The following VAT1L variants were observed in gnomAD, a reference collection of about 807,000 sequenced individuals.
VAT1L encodes the protein vesicle amine transport 1 like.
VAT1L carries 34 observed loss-of-function variants against 44.1 expected under a neutral mutation model. The ratio of observed to expected loss-of-function variants is 0.77; its 90% confidence interval spans 0.59 to 1.03. The LOEUF (loss-of-function observed/expected upper bound fraction) is 1.03. VAT1L is among the 50% of genes least tolerant of loss of function. VAT1L has a pLI of 0.00. For synonymous variants in VAT1L, 253 were observed against 202.2 expected (o/e 1.25, Z -2.13); for missense variants, 615 against 538.8 (o/e 1.14, Z -1.40).
intron 7 of VAT1L, among the ~76,000 whole-genome samples, chr16:77,932,201 T>G (rs1273954411): frequency 6.6e-6 from 1 of 151,188 alleles, no homozygotes; most frequent in Non-Finnish European, 1.5e-5. Context: ...CCTCCTGGGT[T>G]CAGGCCATTC....
At chr16:77,908,534 G>C (rs1161887863) in intron 7 of VAT1L, among the ~76,000 whole-genome samples, 1 of 150,062 alleles carries the variant, frequency 6.7e-6, no homozygotes, top group African/African-American at 2.5e-5. Flanking sequence ...GGCCCTGTTG[G>C]AGTTCAGAAA....
chr16:77,802,482 G>A (rs1276058030), intron 1 of VAT1L, among the ~76,000 whole-genome samples: 1 of 152,080 alleles, frequency 6.6e-6, no homozygotes, highest in African/African-American at 2.4e-5. Flanking sequence ...AGGTGTGGTG[G>A]CAGGCGCCTG....
intron 1 of VAT1L, among the ~76,000 whole-genome samples, chr16:77,794,032 A>C (rs1165139917): frequency 2.0e-5 from 3 of 152,256 alleles, no homozygotes; most frequent in African/African-American, 7.2e-5. Flanking sequence ...CAGACTGCTA[A>C]GTGGAAGAGC....
At chr16:77,839,214 G>A (rs1278516066) in intron 3 of VAT1L, among the ~76,000 whole-genome samples, 2 of 152,016 alleles carry the variant, frequency 1.3e-5, no homozygotes, top group Non-Finnish European at 2.9e-5. Flanking sequence ...AGGGAATGAA[G>A]GGGGAAAGGA....
chr16:77,940,834 T>A (rs1375391690), intron 7 of VAT1L, among the ~76,000 whole-genome samples: 1 of 152,180 alleles, frequency 6.6e-6, no homozygotes, highest in Non-Finnish European at 1.5e-5. Flanking sequence ...GGACATGGAA[T>A]AGCCTTACAT....
intron 6 of VAT1L, among the ~76,000 whole-genome samples, chr16:77,882,588 G>C (rs949595461): frequency 6.6e-6 from 1 of 152,232 alleles, no homozygotes; most frequent in Non-Finnish European, 1.5e-5. Context: ...GAAGTTAAGA[G>C]ATTTGCCTAA....
chr16:77,870,894 A>C (rs2017024400), intron 4 of VAT1L, among the ~76,000 whole-genome samples: 1 of 152,120 alleles, frequency 6.6e-6, no homozygotes, highest in Admixed American at 6.5e-5. Flanking sequence ...TGATTATTTC[A>C]TTAAAAGGGC....
In VAT1L at chr16:77,813,511, A is replaced by G. The variant is rs59824125; in HGVS notation, c.234-3410A>G. On this transcript the variant is annotated intron_variant, in intron 1 of 8. Coordinates refer to ENST00000302536, the MANE Select transcript of VAT1L (RefSeq NM_020927.3). ...GATGGAGCTGGACCTCTCCAAGCCCAGAGACTGGACCTCTCCTCATTCTAG... is the reference window on the plus strand; with the variant it reads ...GATGGAGCTGGACCTCTCCAAGCCCGGAGACTGGACCTCTCCTCATTCTAG... Among the ~76,000 whole-genome samples, 1,113 of 152,322 alleles carry G rather than the reference A, an allele frequency of 7.3e-3. 16 individuals carry two copies. The highest frequency in any genetic ancestry group is 0.025 in the African/African-American group (1,058 of 41,566).
intron 2 of VAT1L, among the ~76,000 whole-genome samples, chr16:77,821,580 A>T (rs111834502): frequency 4.6e-5 from 7 of 152,312 alleles, no homozygotes; most frequent in African/African-American, 1.7e-4. Flanking sequence ...GGCATGAGCC[A>T]CCGTGCCCAG....
chr16:77,874,285 A>G (rs953161392), intron 4 of VAT1L, among the ~76,000 whole-genome samples: 3 of 152,098 alleles, frequency 2.0e-5, no homozygotes, highest in African/African-American at 7.2e-5. Context: ...TGGTAAAAGC[A>G]GACCAGGACC....
At chr16:77,924,304 G>A (rs531388369) in intron 7 of VAT1L, among the ~76,000 whole-genome samples, 1 of 152,196 alleles carries the variant, frequency 6.6e-6, no homozygotes, top group Admixed American at 6.5e-5. Flanking sequence ...CCAGCATCAA[G>A]CTCAGCCTCT....
In VAT1L at chr16:77,805,865, C is replaced by CTTTT. The variant is rs10689119; in HGVS notation, c.234-11044_234-11041dup. Among the ~76,000 whole-genome samples the CTTTT allele has an allele frequency of 6.6e-3, 524 of 78,848 alleles. 100 individuals are homozygous for CTTTT. The highest frequency in any genetic ancestry group is 0.027 in the Middle Eastern group (3 of 112). 51.7% of individuals were successfully genotyped at this position (78,848 alleles called of 152,430 possible). A position where few individuals can be genotyped will look rare whatever the true frequency, so the allele number is the denominator to read the frequency against. ...GTGTTATTTTTTCCTTAGTCTCTGC[C>CTTTT]TTTTTTTTTTTTTTTGAGATGGAGT... On this transcript the variant is annotated intron_variant, in intron 1 of 8. Coordinates refer to ENST00000302536, the MANE Select transcript of VAT1L (RefSeq NM_020927.3).
intron 7 of VAT1L, chr16:77,892,638 C>T: frequency 1.4e-6 from 1 of 699,424 alleles, no homozygotes; most frequent in South Asian, 1.4e-5. Flanking sequence ...CATAATGGCA[C>T]TGGTGGCAAC....
At chr16:77,914,294 A>G (rs389643) in intron 7 of VAT1L, among the ~76,000 whole-genome samples, 54,319 of 152,086 alleles carry the variant, frequency 0.36, 10,092 homozygotes, top group East Asian at 0.46. Context: ...TTATATTCTC[A>G]TTTGGCTATC....
chr16:77,945,835 C>T (rs980847006), intron 7 of VAT1L, among the ~76,000 whole-genome samples: 2 of 149,308 alleles, frequency 1.3e-5, no homozygotes, highest in Non-Finnish European at 3.0e-5. Flanking sequence ...CAAAGTCTCG[C>T]TCTGTCGCCC....
intron 1 of VAT1L, among the ~76,000 whole-genome samples, chr16:77,798,758 A>G (rs1480719319): frequency 6.6e-6 from 1 of 152,218 alleles, no homozygotes; most frequent in Non-Finnish European, 1.5e-5. Context: ...AAGAAGATCA[A>G]GAGGAATTCC....
At chr16:77,937,829 C>A (rs1378950397) in intron 7 of VAT1L, among the ~76,000 whole-genome samples, 1 of 152,226 alleles carries the variant, frequency 6.6e-6, no homozygotes, top group Non-Finnish European at 1.5e-5. Context: ...GCCTTAAACT[C>A]ACAGTGAAGC....
intron 7 of VAT1L, among the ~76,000 whole-genome samples, chr16:77,932,306 C>T (rs1057016099): frequency 6.6e-5 from 10 of 151,868 alleles, no homozygotes; most frequent in South Asian, 2.1e-4. Context: ...GGGGTTTCAC[C>T]GTGTTAGCCA....
chr16:77,816,397 T>G (rs1245261439), intron 1 of VAT1L, among the ~76,000 whole-genome samples: 7 of 152,156 alleles, frequency 4.6e-5, no homozygotes, highest in Non-Finnish European at 8.8e-5. Flanking sequence ...TTATGCATAG[T>G]GCTGATGTAA....
Sources: gnomAD v4.1 joint callset for allele counts (sites outside exome capture counted in the v4.1 genomes callset) on GRCh38, gnomAD v4.1.1 for gene constraint, MANE v1.5 for transcripts, NCBI Gene and HGNC (gene_info 2026-07-23, HGNC 2026-07-21) for gene names.